The following SETX variants were observed in gnomAD, a reference collection of about 807,000 sequenced individuals.
SETX encodes the protein senataxin, also known as helicase senataxin.
In SETX, 90 loss-of-function variants were observed where a neutral mutation model predicts 227.2. That is an observed-to-expected ratio of 0.40 (90% CI 0.33 to 0.47). The LOEUF (loss-of-function observed/expected upper bound fraction) is 0.47, where lower values mean the gene tolerates loss of function less well. Among genes scored for constraint, SETX ranks in the 20% least tolerant of loss-of-function variants. The pLI is 0.91. For missense variants in SETX, 3,052 were observed against 3,181.5 expected, an observed-to-expected ratio of 0.96 and a Z score of 0.98; for synonymous variants, 1,210 against 1,113.2, an observed-to-expected ratio of 1.09 and a Z score of -1.73.
intron 15 of SETX, among the ~76,000 whole-genome samples, chr9:132,290,209 C>CA (rs993532736): frequency 4.0e-5 from 6 of 151,528 alleles, no homozygotes; most frequent in African/African-American, 7.3e-5. Context: ...GACTCCGTCT[C>CA]AAAAAAACAA....
At chr9:132,285,737 G>A (rs976478853) in intron 18 of SETX, among the ~76,000 whole-genome samples, 9 of 150,628 alleles carry the variant, frequency 6.0e-5, no homozygotes, top group South Asian at 2.1e-4. Context: ...AAATTTAGTC[G>A]GGCGTGGTGG....
intron 18 of SETX, among the ~76,000 whole-genome samples, chr9:132,286,181 CAAAAA>C (rs58043008): frequency 6.7e-5 from 5 of 74,538 alleles, no homozygotes; most frequent in Admixed American, 1.6e-4. Context: ...GACTTCACCT[CAAAAA>C]AAAAAAAAAA....
intron 11 of SETX, among the ~76,000 whole-genome samples, chr9:132,305,409 TA>T (rs978215198): frequency 6.7e-6 from 1 of 150,034 alleles, no homozygotes; most frequent in Admixed American, 6.6e-5. Context: ...AAAAAAAATT[TA>T]AAAAAAATTT....
chr9:132,277,171 AGTC>A lies in SETX; in HGVS notation c.6843-22_6843-20del. ...TGTCTGTCTGTAAAAAAAAAAAAGC[AGTC>A]AACATTCAGAATAAAGTCAAGATTT... is the stretch of plus-strand genomic sequence containing the variant. On this transcript the variant is annotated intron_variant, in intron 21 of 25. Transcript: ENST00000224140. The A allele has an allele frequency of 2.6e-6, 4 of 1,558,724 alleles. No homozygotes were observed. The highest frequency in any genetic ancestry group is 1.4e-5 in the African/African-American group (1 of 72,906).
rs1475464280 is a variant in SETX at position 132,327,652 on chromosome 9, T to C, written c.3946A>G (p.Thr1316Ala). The C allele has an allele frequency of 2.5e-6, 4 of 1,613,806 alleles. No homozygotes were observed. The South Asian group carries it at 3.3e-5, about 13-fold the overall frequency. Residue 1316 changes from threonine (T) to alanine (A), a missense_variant, in exon 10 of 26, where the codon ACT (threonine) becomes GCT (alanine). By Grantham distance (58) the Thr-to-Ala change is moderately conservative. Transcript: ENST00000224140. ...TTTCGGGTATCAACTACTCCAACAG[T>C]TTTGCCATGATCACGTAATTGAGCT... Reference protein sequence around the residue: ...YVAQLRDHGKTVGVVDTRKKT... With the variant: ...YVAQLRDHGKAVGVVDTRKKT...
intron 6 of SETX, among the ~76,000 whole-genome samples, chr9:132,335,480 AT>A (rs11323405): frequency 0.72 from 95,977 of 134,178 alleles, 35,075 homozygotes; most frequent in Non-Finnish European, 0.83. Flanking sequence ...GGAAAATTTA[AT>A]TTTTTTTTTT....
At chr9:132,277,756 T>A (rs1843241832) in intron 21 of SETX, among the ~76,000 whole-genome samples, 1 of 134,044 alleles carries the variant, frequency 7.5e-6, no homozygotes, top group Non-Finnish European at 1.5e-5. Context: ...ACTGCACTCA[T>A]CCTGTGTGAG....
intron 10 of SETX, among the ~76,000 whole-genome samples, chr9:132,324,772 C>T (rs1263115539): frequency 6.6e-6 from 1 of 152,184 alleles, no homozygotes; most frequent in East Asian, 1.9e-4. Flanking sequence ...TGAACCATGA[C>T]TATTTACCTC....
rs563309531 is a variant in SETX at position 132,327,826 on chromosome 9, T to G, written c.3772A>C (p.Asn1258His). 9.3e-6 allele frequency: 15 copies of G among 1,614,190 alleles called. 1 individual carries two copies. The South Asian group carries it at 1.6e-4, about 18-fold the overall frequency. Reference protein sequence around the residue: ...DAKKGQNRSSNYLSCRTTPAI... With the variant: ...DAKKGQNRSSHYLSCRTTPAI... ...GGAGTTGTTCTACAACTTAGGTAAT[T>G]TGAACTTCTATTCTGTCCTTTTTTG... Residue 1258 changes from asparagine to histidine, a missense_variant, in exon 10 of 26, where the codon AAT becomes CAT. Around this residue, in one of 10 missense-constraint regions of SETX, gnomAD observed 1,483 missense variants for 1,312.0 expected, o/e 1.13. Coordinates refer to ENST00000224140, the MANE Select transcript of SETX (RefSeq NM_015046.7).
chr9:132,314,776 T>C (rs1316743066), intron 10 of SETX, among the ~76,000 whole-genome samples: 2 of 152,080 alleles, frequency 1.3e-5, no homozygotes, highest in African/African-American at 2.4e-5. Flanking sequence ...TTGAATATTA[T>C]GTTTTGATAA....
At chr9:132,355,339 C>T (rs551500351), upstream of SETX, among the ~76,000 whole-genome samples, 1 of 151,230 alleles carries the variant, frequency 6.6e-6, no homozygotes, top group South Asian at 2.1e-4. Flanking sequence ...TTTCCGTTCC[C>T]TCTTTTTTCT....
intron 10 of SETX, among the ~76,000 whole-genome samples, chr9:132,320,874 G>A (rs1846283186): frequency 6.6e-6 from 1 of 151,738 alleles, no homozygotes; most frequent in Non-Finnish European, 1.5e-5. Context: ...AAAGCAGAGG[G>A]ATGAATGGAA....
At chr9:132,331,814 T>C (rs951094953) in intron 7 of SETX, among the ~76,000 whole-genome samples, 1 of 152,132 alleles carries the variant, frequency 6.6e-6, no homozygotes, top group African/African-American at 2.4e-5. Flanking sequence ...GCCAAAACTT[T>C]GTAGTCCCAT....
In SETX at chr9:132,336,604, T is replaced by A. The variant is rs542043564; in HGVS notation, c.499-89A>T. Reference sequence around the variant, plus strand: ...AGAAAAGAAAACAGGATTCTCTGCATATTTTAAAAGACATGTGACATATTA... The same window carrying A: ...AGAAAAGAAAACAGGATTCTCTGCAAATTTTAAAAGACATGTGACATATTA... On this transcript the variant is annotated intron_variant, in intron 5 of 25. Transcript: ENST00000224140. The A allele has an allele frequency of 1.5e-5, 15 of 979,556 alleles. No homozygotes were observed. The East Asian group carries it at 3.7e-4, about 24-fold the overall frequency. 60.7% of individuals were successfully genotyped at this position (979,556 alleles called of 1,614,324 possible). A position where few individuals can be genotyped will look rare whatever the true frequency, so the allele number is the denominator to read the frequency against.
chr9:132,340,699 T>C (rs368887591), intron 5 of SETX, among the ~76,000 whole-genome samples: 3 of 152,242 alleles, frequency 2.0e-5, no homozygotes, highest in African/African-American at 7.2e-5. Context: ...CAGTGGTTAA[T>C]TGGTCTCCAC....
Position 132,305,316 on chromosome 9 carries a change from T to C in SETX, c.5375-4513A>G, listed in dbSNP as rs1289895184. Among the ~76,000 whole-genome samples the C allele has an allele frequency of 2.3e-5, 3 of 130,790 alleles. No homozygotes were observed. The East Asian group carries it at 7.8e-4, about 34-fold the overall frequency. The allele number at this position is 130,790 out of a possible 152,430, so 85.8% of individuals were successfully genotyped here. A position where few individuals can be genotyped will look rare whatever the true frequency, so the allele number is the denominator to read the frequency against. On this transcript the variant is annotated intron_variant, in intron 11 of 25. Coordinates refer to ENST00000224140, the MANE Select transcript of SETX (RefSeq NM_015046.7). ...TTGCAGTGAGCTGAGATTGTGCCAC[T>C]GCACTCCCGCCTGGGTGACAGAGCA...
At chr9:132,321,778 G>T (rs968487693) in intron 10 of SETX, among the ~76,000 whole-genome samples, 6 of 151,960 alleles carry the variant, frequency 3.9e-5, no homozygotes, top group African/African-American at 1.5e-4. Context: ...AACCCAAGAG[G>T]CAGAGGTTGC....
Position 132,311,805 on chromosome 9 carries a change from G to A in SETX, c.5326C>T (p.Gln1776Ter). Residue 1776 changes from glutamine (Q) to a stop codon, truncating the protein, a stop_gained, in exon 11 of 26, where the codon CAA (glutamine) becomes TAA (stop). Transcript: ENST00000224140. LOFTEE classifies it high-confidence loss of function. ...SPNRENFYQL[Q>*]VRKFPADYIK... The stretch of plus-strand genomic sequence containing the variant: ...TAATCGGCAGGAAATTTTCGTACTT[G>A]CAACTGATAGAAATTCTCTCTATTT... 1 of 1,613,666 alleles carries A rather than the reference G, an allele frequency of 6.2e-7. No individual in the cohort carries two copies. The highest frequency in any genetic ancestry group is 8.5e-7 in the Non-Finnish European group (1 of 1,179,888).
At chr9:132,301,088 CTT>C (rs200657740) in intron 11 of SETX, among the ~76,000 whole-genome samples, 24 of 123,962 alleles carry the variant, frequency 1.9e-4, no homozygotes, top group African/African-American at 6.0e-4. Flanking sequence ...GTTTATTCTG[CTT>C]TTTTTTTTTT....
Sources: gnomAD v4.1 joint callset for allele counts (sites outside exome capture counted in the v4.1 genomes callset) on GRCh38, gnomAD v4.1.1 for gene constraint, gnomAD v4.1.1 regional missense constraint, MANE v1.5 for transcripts, NCBI Gene and HGNC (gene_info 2026-07-23, HGNC 2026-07-21) for gene names.